The following PLBD1 variants were observed in gnomAD, a reference collection of about 807,000 sequenced individuals.
The protein encoded by PLBD1 is phospholipase B domain containing 1, also known as lysosomal leucine aminopeptidase.
Under a neutral mutation model 63.0 loss-of-function variants are expected in PLBD1, and 60 were observed. The ratio of observed to expected loss-of-function variants is 0.95; its 90% CI spans 0.77 to 1.18. The LOEUF (loss-of-function observed/expected upper bound fraction) is 1.18, where lower values mean the gene tolerates loss of function less well. Ranked by LOEUF, PLBD1 falls within the 50% of genes most tolerant of loss-of-function variation. PLBD1 has a pLI of 0.00. For synonymous variants in PLBD1, 262 were observed against 248.0 expected (o/e 1.06, Z -0.53); for missense variants, 598 against 677.9 (o/e 0.88, Z 1.31).
At chr12:14,504,550 A>G (rs1184785494) in intron 10 of PLBD1, among the ~76,000 whole-genome samples, 1 of 152,238 alleles carries the variant, frequency 6.6e-6, no homozygotes, top group Non-Finnish European at 1.5e-5. Flanking sequence ...TAACCCCTCT[A>G]TGAATCAGTG....
rs766561209 is a variant in PLBD1 at position 14,511,320 on chromosome 12, T to G, written c.1126A>C (p.Ile376Leu). ...ACATATGTAGGAATTTGCTCCACAATGTACAGAGTGCCTTTGTCAAGACTG... is the reference window on the plus strand; with the variant it reads ...ACATATGTAGGAATTTGCTCCACAAGGTACAGAGTGCCTTTGTCAAGACTG... ...NHSLDKGTLYIVEQIPTYVEY... is the reference protein window; with the variant it reads ...NHSLDKGTLYLVEQIPTYVEY... The change falls in exon 8 of 11, where the codon ATT becomes CTT. Residue 376 changes from isoleucine (I) to leucine (L), a missense_variant. Physicochemically the swap from Ile to Leu is conservative, Grantham distance 5. Coordinates refer to ENST00000240617, the MANE Select transcript of PLBD1 (RefSeq NM_024829.6). 6.2e-7 allele frequency: 1 copy of G among 1,612,244 alleles called. No individual in the cohort carries two copies. Among genetic ancestry groups the G allele is most frequent in the South Asian group, 1.1e-5 (1 of 90,898 alleles).
intron 10 of PLBD1, among the ~76,000 whole-genome samples, chr12:14,505,444 C>G (rs776448234): frequency 3.3e-5 from 5 of 152,128 alleles, no homozygotes; most frequent in Non-Finnish European, 7.4e-5. Context: ...CGTCCCAAAT[C>G]CAGTGGTGAG....
intron 1 of PLBD1, among the ~76,000 whole-genome samples, chr12:14,561,090 G>T (rs372643477): frequency 3.3e-5 from 5 of 151,548 alleles, no homozygotes; most frequent in African/African-American, 1.2e-4. Flanking sequence ...AGGCACCTCA[G>T]ATCACCTGCA....
rs530666774 is a variant in PLBD1, at chr12:14,538,958, G to A, written c.558+1806C>T. Among the ~76,000 whole-genome samples, 7 of 152,206 alleles carry A rather than the reference G, an allele frequency of 4.6e-5. No homozygotes were observed. In the South Asian group the frequency reaches 6.2e-4, roughly 14 times the overall value. ...CGAGAATTGCTTGAGTCCAGGAGGC[G>A]GAGGTTGCAGCTGAGATCAACCACT... On this transcript the variant is annotated intron_variant, in intron 4 of 10. Transcript: ENST00000240617.
intron 1 of PLBD1, chr12:14,553,643 G>C: frequency 1.7e-6 from 1 of 573,286 alleles, no homozygotes; most frequent in Non-Finnish European, 3.1e-6. Flanking sequence ...TGGGGGTGTA[G>C]CTACAGCATC....
intron 3 of PLBD1, 131 bp from the exon 4 acceptor site, chr12:14,541,033 C>A (rs1356467702): frequency 4.0e-6 from 4 of 1,002,406 alleles, no homozygotes; most frequent in Non-Finnish European, 5.6e-6. Context: ...TCTTGTAACA[C>A]TCCAGTCACT....
chr12:14,566,585 A>C (rs1013537539), intron 1 of PLBD1, among the ~76,000 whole-genome samples: 40 of 152,230 alleles, frequency 2.6e-4, no homozygotes, highest in African/African-American at 9.6e-4. Flanking sequence ...AATTTAATTT[A>C]ATTTAATTTT....
At chr12:14,512,762 T>A (rs1424999721) in intron 6 of PLBD1, among the ~76,000 whole-genome samples, 2 of 152,002 alleles carry the variant, frequency 1.3e-5, no homozygotes, top group South Asian at 2.1e-4. Flanking sequence ...GGGGCCAGAG[T>A]GGTAAGTTCC....
At position 14,511,256 on chromosome 12, in the gene PLBD1, G is replaced by A. The variant is rs1945296113; in HGVS notation, c.1186+4C>T. 6.4e-7 allele frequency: 1 copy of A among 1,572,974 alleles called. No individual in the cohort carries two copies. Among genetic ancestry groups the A allele is most frequent in the Non-Finnish European group, 8.6e-7 (1 of 1,161,872 alleles). ...TTTTAAGACTTACGACATGAAGAAA[G>A]TACCTTTCCGTAGAACATCAGTTTG... On this transcript the variant is annotated splice_donor_region_variant and intron_variant, in intron 8 of 10. Transcript: ENST00000240617.
chr12:14,508,086 G>A (rs148929155), intron 8 of PLBD1, among the ~76,000 whole-genome samples: 2 of 152,326 alleles, frequency 1.3e-5, no homozygotes, highest in African/African-American at 4.8e-5. Flanking sequence ...TGCTAATTCT[G>A]AGACAGAGCC....
chr12:14,522,492 A>G (rs1945384318), intron 6 of PLBD1, among the ~76,000 whole-genome samples: 1 of 152,160 alleles, frequency 6.6e-6, no homozygotes. Context: ...AGGAGGGAAT[A>G]CTTCCAACAT....
chr12:14,551,210 A>C (rs1022579029), intron 2 of PLBD1, among the ~76,000 whole-genome samples: 3 of 152,028 alleles, frequency 2.0e-5, no homozygotes, highest in Non-Finnish European at 4.4e-5. Context: ...TAAAAATACA[A>C]AAATTAGCTG....
rs187352550 is a variant in PLBD1 at position 14,542,507 on chromosome 12, G to A, written c.336-216C>T. Among the ~76,000 whole-genome samples the A allele has an allele frequency of 3.9e-5, 6 of 152,036 alleles. No individual in the cohort carries two copies. In the East Asian group the frequency reaches 9.7e-4, roughly 24 times the overall value. On this transcript the variant is annotated intron_variant, in intron 2 of 10. Transcript: ENST00000240617. Reference sequence around the variant, plus strand: ...ATTGAAAACACCCCAAGTATTCACCGCTCAACTTTATTAAGTTATTATATT... The same window carrying A: ...ATTGAAAACACCCCAAGTATTCACCACTCAACTTTATTAAGTTATTATATT...
chr12:14,523,793 C>T (rs1419227536), intron 6 of PLBD1, among the ~76,000 whole-genome samples: 1 of 152,080 alleles, frequency 6.6e-6, no homozygotes, highest in Non-Finnish European at 1.5e-5. Flanking sequence ...TGAAACTAGA[C>T]CCCTTGCTGG....
rs557357511 is a variant in PLBD1 at position 14,541,330 on chromosome 12, A to G, written c.420-428T>C. Among the ~76,000 whole-genome samples the G allele has an allele frequency of 1.2e-4, 18 of 152,342 alleles. 1 individual carries two copies. The South Asian group carries it at 3.7e-3, about 32-fold the overall frequency. On this transcript the variant is annotated intron_variant, in intron 3 of 10. Coordinates refer to ENST00000240617, the MANE Select transcript of PLBD1 (RefSeq NM_024829.6). ...CAAAAATCTAAGGACAAGGTGGTTTATATCTGTTTGTATTTCTCTCAGATC... is the reference window on the plus strand; with the variant it reads ...CAAAAATCTAAGGACAAGGTGGTTTGTATCTGTTTGTATTTCTCTCAGATC...
intron 6 of PLBD1, among the ~76,000 whole-genome samples, chr12:14,514,334 A>G (rs546649464): frequency 6.6e-6 from 1 of 152,336 alleles, no homozygotes; most frequent in African/African-American, 2.4e-5. Context: ...CAGCCTTGAG[A>G]AAGCTCCCTG....
chr12:14,508,269 C>T (rs1945271128), intron 8 of PLBD1, among the ~76,000 whole-genome samples: 1 of 152,160 alleles, frequency 6.6e-6, no homozygotes, highest in South Asian at 2.1e-4. Flanking sequence ...CCCCTTTGTG[C>T]CTCAGTTTCT....
chr12:14,559,949 C>T (rs1169820259), intron 1 of PLBD1, among the ~76,000 whole-genome samples: 1 of 152,012 alleles, frequency 6.6e-6, no homozygotes, highest in Non-Finnish European at 1.5e-5. Context: ...CAGCCTCCGC[C>T]TCCCGGGTTC....
Position 14,542,289 on chromosome 12 carries a change from T to A in PLBD1, c.338A>T (p.His113Leu). ...GFLEGYLTAP[H>L]MNDHYTNLYP... The stretch of plus-strand genomic sequence containing the variant: ...GAGGTTTGTGTAGTGGTCATTCATG[T>A]GTCTGAAATGATACATGAAAATTAT... The change falls in exon 3 of 11, where the codon CAC (histidine) becomes CTC (leucine). Residue 113 changes from histidine (H) to leucine (L), a missense_variant and splice_region_variant. Physicochemically the swap from His to Leu is moderately conservative, Grantham distance 99. Transcript: ENST00000240617. The A allele has an allele frequency of 6.3e-7, 1 of 1,593,794 alleles. No individual in the cohort carries two copies. Among genetic ancestry groups the A allele is most frequent in the Non-Finnish European group, 8.6e-7 (1 of 1,162,152 alleles).
Sources: allele counts gnomAD v4.1 joint callset (sites outside exome capture counted in the v4.1 genomes callset), GRCh38; gene constraint gnomAD v4.1.1; transcripts MANE v1.5; gene names NCBI Gene and HGNC (gene_info 2026-07-23, HGNC 2026-07-21).